CALD1: variants seen among roughly 807,000 people sequenced by gnomAD.
CALD1 encodes the protein caldesmon 1.
CALD1 carries 33 observed loss-of-function variants against 99.9 expected under a neutral mutation model. The observed-to-expected ratio is 0.33, with a 90% CI of 0.25 to 0.44. The LOEUF (loss-of-function observed/expected upper bound fraction) is 0.44. Ranked by LOEUF, CALD1 falls within the 20% of genes least tolerant of loss-of-function variation. CALD1 has a pLI of 1.00. For missense variants in CALD1, 861 were observed against 962.1 expected, an observed-to-expected ratio of 0.89 and a Z score of 1.39; for synonymous variants, 310 against 325.0, an observed-to-expected ratio of 0.95 and a Z score of 0.50.
chr7:134,825,572 C>T (rs1385219697), intron 1 of CALD1, among the ~76,000 whole-genome samples: 1 of 151,926 alleles, frequency 6.6e-6, no homozygotes, highest in Non-Finnish European at 1.5e-5. Context: ...TGTATATTTT[C>T]CCAGAAAAAA....
At chr7:134,798,759 G>C (rs1797840217) in intron 1 of CALD1, among the ~76,000 whole-genome samples, 1 of 152,194 alleles carries the variant, frequency 6.6e-6, no homozygotes, top group Admixed American at 6.5e-5. Flanking sequence ...TGAAATACGA[G>C]TTACCAGCAG....
rs905512920 is a variant in CALD1 at position 134,928,747 on chromosome 7, G to A, written c.72-7G>A. On this transcript the variant is annotated splice_polypyrimidine_tract_variant and splice_region_variant and intron_variant, in intron 3 of 14. Transcript: ENST00000361675. ...ACGCTCAAGAGGTTGTCTTTGTAATGTTGCAGAATCGCCTACCAGAGGAAT... is the reference window on the plus strand; with the variant it reads ...ACGCTCAAGAGGTTGTCTTTGTAATATTGCAGAATCGCCTACCAGAGGAAT... The A allele has an allele frequency of 5.0e-6, 8 of 1,612,894 alleles. No individual in the cohort carries two copies. The highest frequency in any genetic ancestry group is 6.8e-6 in the Non-Finnish European group (8 of 1,179,474).
chr7:134,789,512 T>C (rs935404782), intron 1 of CALD1, among the ~76,000 whole-genome samples: 1 of 152,220 alleles, frequency 6.6e-6, no homozygotes, highest in African/African-American at 2.4e-5. Flanking sequence ...AAAATGGGGA[T>C]GATTTCTCCT....
At chr7:134,925,312 C>A (rs990255192) in intron 3 of CALD1, among the ~76,000 whole-genome samples, 2 of 151,962 alleles carry the variant, frequency 1.3e-5, no homozygotes, top group African/African-American at 2.4e-5. Context: ...CAATATCCAG[C>A]CATGAAGCCC....
At chr7:134,879,916 G>A (rs1342358019) in intron 3 of CALD1, among the ~76,000 whole-genome samples, 1 of 152,160 alleles carries the variant, frequency 6.6e-6, no homozygotes, top group African/African-American at 2.4e-5. Flanking sequence ...AAAAATCTCA[G>A]TAAAGTACAC....
At position 134,941,245 on chromosome 7, in the gene CALD1, G is replaced by A. The variant is rs1177967333; in HGVS notation, c.1532+8G>A. On this transcript the variant is annotated splice_region_variant and intron_variant, in intron 7 of 14. Coordinates refer to ENST00000361675, the MANE Select transcript of CALD1 (RefSeq NM_033138.4). ...TACTGAGAATACTTTCAGGTAAGAA[G>A]TAGCAACTAGTTAATAGAAACTGTG... 6.4e-7 allele frequency: 1 copy of A among 1,574,402 alleles called. No homozygotes were observed. The highest frequency in any genetic ancestry group is 1.4e-5 in the African/African-American group (1 of 72,432).
chr7:134,924,726 C>T (rs923479138), intron 3 of CALD1, among the ~76,000 whole-genome samples: 2 of 152,070 alleles, frequency 1.3e-5, no homozygotes, highest in East Asian at 1.9e-4. Flanking sequence ...CCCGTGATAT[C>T]GTTAGGCTTT....
intron 1 of CALD1, among the ~76,000 whole-genome samples, chr7:134,808,593 G>A (rs12707180): frequency 0.08 from 12,136 of 152,218 alleles, 723 homozygotes; most frequent in Non-Finnish European, 0.12. Flanking sequence ...TGAATGCTGG[G>A]TTTGTCAGAT....
the CALD1 span, among the ~76,000 whole-genome samples, chr7:134,737,506 C>CT: frequency 6.6e-6 from 1 of 151,988 alleles, no homozygotes; most frequent in African/African-American, 2.4e-5. Flanking sequence ...AAAAATCTGC[C>CT]TTTTTTTGGT....
chr7:134,874,817 AAAG>A (rs1801272226), intron 3 of CALD1, among the ~76,000 whole-genome samples: 1 of 152,214 alleles, frequency 6.6e-6, no homozygotes, highest in African/African-American at 2.4e-5. Context: ...TACACTATAA[AAAG>A]AAGCAATTTT....
intron 8 of CALD1, 57 bp downstream of exon 8, chr7:134,947,826 G>A (rs533888715): frequency 1.3e-5 from 21 of 1,562,744 alleles, no homozygotes; most frequent in South Asian, 3.6e-5. Context: ...CTAGTGCCGT[G>A]CGGCTGTTCT....
At chr7:134,782,165 A>C (rs1797130950) in intron 1 of CALD1, among the ~76,000 whole-genome samples, 1 of 152,200 alleles carries the variant, frequency 6.6e-6, no homozygotes, top group African/African-American at 2.4e-5. Context: ...AGCAAGACGC[A>C]AAAGTGATTC....
At chr7:134,778,651 C>G (rs1163303322), upstream of CALD1, among the ~76,000 whole-genome samples, 1 of 152,206 alleles carries the variant, frequency 6.6e-6, no homozygotes, top group East Asian at 1.9e-4. Context: ...AATTCTGACC[C>G]TCTTATAGCA....
intron 1 of CALD1, among the ~76,000 whole-genome samples, chr7:134,767,997 T>C (rs1186328853): frequency 6.6e-6 from 1 of 152,226 alleles, no homozygotes; most frequent in Non-Finnish European, 1.5e-5. Context: ...GAGAAATTTC[T>C]GGAAACTTTT....
chr7:134,891,358 T>TA lies in CALD1; in HGVS notation c.71+23560dup. 12 of 1,231,346 alleles carry TA rather than the reference T, an allele frequency of 9.7e-6. No homozygotes were observed. The South Asian group carries it at 2.7e-4, about 28-fold the overall frequency. The allele number at this position is 1,231,346 out of a possible 1,614,324, so 76.3% of individuals were successfully genotyped here. On this transcript the variant is annotated intron_variant, in intron 3 of 14. Transcript: ENST00000361675. ...TGGGCTTCTATTAGAGAGATTACAG[T>TA]AAAAAATAACAATCAGCTCTCTGAT...
chr7:134,901,420 A>G (rs1802991860), intron 3 of CALD1, among the ~76,000 whole-genome samples: 1 of 152,060 alleles, frequency 6.6e-6, no homozygotes, highest in Non-Finnish European at 1.5e-5. Context: ...TCAGTGCTCA[A>G]GGGGTGGGAA....
chr7:134,872,374 A>C (rs1369415109), intron 3 of CALD1, among the ~76,000 whole-genome samples: 2 of 125,096 alleles, frequency 1.6e-5, no homozygotes, highest in East Asian at 2.2e-4. Context: ...AAAAAAAAAA[A>C]AAAAAAAACT....
intron 1 of CALD1, among the ~76,000 whole-genome samples, chr7:134,793,357 CCT>C (rs1291740970): frequency 6.6e-6 from 1 of 151,946 alleles, no homozygotes; most frequent in Non-Finnish European, 1.5e-5. Flanking sequence ...TCTTTATTTT[CCT>C]CTCTCTCCTC....
chr7:134,860,339 T>C (rs998474248), intron 2 of CALD1, among the ~76,000 whole-genome samples: 3 of 152,216 alleles, frequency 2.0e-5, no homozygotes, highest in Non-Finnish European at 4.4e-5. Context: ...TTGATTTTTT[T>C]TGAAAAGAAC....
Sources: gnomAD v4.1 joint callset for allele counts (sites outside exome capture counted in the v4.1 genomes callset) on GRCh38, gnomAD v4.1.1 for gene constraint, MANE v1.5 for transcripts, NCBI Gene and HGNC (gene_info 2026-07-23, HGNC 2026-07-21) for gene names.